The following MEIS2 variants were observed in gnomAD, a reference collection of about 807,000 sequenced individuals.
MEIS2 encodes the protein homeobox protein Meis2.
Under a neutral mutation model 58.6 loss-of-function variants are expected in MEIS2, and 9 were observed. The observed-to-expected ratio is 0.15, with a 90% CI of 0.09 to 0.27. MEIS2 has a LOEUF of 0.27. Among genes scored for constraint, MEIS2 ranks in the 10% least tolerant of loss-of-function variants. The pLI, the probability that MEIS2 is intolerant of heterozygous loss-of-function variation, is 1.00. For missense variants in MEIS2, 427 were observed against 635.0 expected (o/e 0.67, Z 3.52); for synonymous variants, 221 against 228.4 (o/e 0.97, Z 0.29).
intron 8 of MEIS2, among the ~76,000 whole-genome samples, chr15:37,005,384 A>G (rs1473408057): frequency 1.3e-5 from 2 of 152,240 alleles, no homozygotes; most frequent in Non-Finnish European, 2.9e-5. Context: ...GAAAGCACGA[A>G]TGGAACAATC....
rs147081254 is a variant in MEIS2, at chr15:37,083,505, T to C, written c.754+266A>G. Among the ~76,000 whole-genome samples, 846 of 152,270 alleles carry C rather than the reference T, an allele frequency of 5.6e-3. 17 individuals carry two copies. Among genetic ancestry groups the C allele is most frequent in the Non-Finnish European group, 4.6e-3 (315 of 68,012 alleles). ...CACTTATACACACAGAAATAAAGTGTAGATAACCAAATTTGTAAAAGAATT... is the reference window on the plus strand; with the variant it reads ...CACTTATACACACAGAAATAAAGTGCAGATAACCAAATTTGTAAAAGAATT... On this transcript the variant is annotated intron_variant, in intron 7 of 11. Transcript: ENST00000561208.
chr15:36,931,993 T>C (rs1380083964), intron 9 of MEIS2, among the ~76,000 whole-genome samples: 1 of 152,194 alleles, frequency 6.6e-6, no homozygotes, highest in African/African-American at 2.4e-5. Context: ...ACAAAATCCC[T>C]ATTAGCATGA....
chr15:37,070,806 T>C (rs1220158346), intron 7 of MEIS2, among the ~76,000 whole-genome samples: 4 of 152,078 alleles, frequency 2.6e-5, no homozygotes, highest in Non-Finnish European at 5.9e-5. Context: ...GTCACATACA[T>C]GGGATCTAAG....
intron 2 of MEIS2, among the ~76,000 whole-genome samples, chr15:37,097,038 A>G (rs192885404): frequency 2.0e-5 from 3 of 152,286 alleles, no homozygotes; most frequent in Admixed American, 2.0e-4. Context: ...AAATAATAGG[A>G]AGGTTACACA....
At chr15:36,927,971 C>G (rs992417522) in intron 9 of MEIS2, among the ~76,000 whole-genome samples, 1 of 152,206 alleles carries the variant, frequency 6.6e-6, no homozygotes. Context: ...AAAATATTTA[C>G]AGCCGGCCAA....
chr15:36,943,934 T>C (rs2058465531), intron 9 of MEIS2, among the ~76,000 whole-genome samples: 1 of 151,994 alleles, frequency 6.6e-6, no homozygotes, highest in African/African-American at 2.4e-5. Context: ...TGCCCAAATT[T>C]GGTCTGAATC....
At chr15:36,957,968 G>A (rs1423108713) in intron 8 of MEIS2, among the ~76,000 whole-genome samples, 1 of 152,128 alleles carries the variant, frequency 6.6e-6, no homozygotes, top group Non-Finnish European at 1.5e-5. Context: ...TTGGTGTTAT[G>A]GAAATGCAGG....
intron 9 of MEIS2, among the ~76,000 whole-genome samples, chr15:36,945,697 G>T (rs985291413): frequency 1.3e-5 from 2 of 152,024 alleles, no homozygotes; most frequent in Non-Finnish European, 2.9e-5. Flanking sequence ...ATTAAAAGCT[G>T]TTAGACGTAG....
At chr15:37,077,455 T>C (rs1288477952) in intron 7 of MEIS2, among the ~76,000 whole-genome samples, 1 of 152,134 alleles carries the variant, frequency 6.6e-6, no homozygotes. Context: ...ATTAATCAGT[T>C]GCACAAGCCA....
chr15:36,896,564 G>T, intron 10 of MEIS2, 64 bp downstream of exon 10: 2 of 1,296,976 alleles, frequency 1.5e-6, no homozygotes, highest in South Asian at 1.5e-5. Flanking sequence ...GGAAACTACT[G>T]GAGTATAACT....
At chr15:36,940,194 G>C (rs974481493) in intron 9 of MEIS2, among the ~76,000 whole-genome samples, 14 of 152,062 alleles carry the variant, frequency 9.2e-5, no homozygotes, top group African/African-American at 3.4e-4. Context: ...AAATCTATCT[G>C]AGCCTAATGT....
At chr15:37,016,859 A>C (rs1315950466) in intron 8 of MEIS2, among the ~76,000 whole-genome samples, 1 of 152,224 alleles carries the variant, frequency 6.6e-6, no homozygotes, top group Non-Finnish European at 1.5e-5. Context: ...GAATTGTCAA[A>C]ATTTTATCGT....
intron 7 of MEIS2, among the ~76,000 whole-genome samples, chr15:37,056,422 A>G (rs1347489483): frequency 2.6e-5 from 4 of 152,224 alleles, no homozygotes; most frequent in Non-Finnish European, 4.4e-5. Flanking sequence ...GAATAGTGCA[A>G]AGAGGGCTAA....
At chr15:36,975,832 G>A (rs970193906) in intron 8 of MEIS2, among the ~76,000 whole-genome samples, 1 of 152,074 alleles carries the variant, frequency 6.6e-6, no homozygotes, top group African/African-American at 2.4e-5. Context: ...ACAATGTATC[G>A]TATACTTGAA....
chr15:36,956,059 T>C (rs980819317), intron 8 of MEIS2, among the ~76,000 whole-genome samples: 18 of 117,776 alleles, frequency 1.5e-4, no homozygotes, highest in African/African-American at 5.3e-4. Flanking sequence ...TAGCCGGGCG[T>C]GGTGGCGGGC....
intron 8 of MEIS2, among the ~76,000 whole-genome samples, chr15:36,997,547 C>T (rs1020187691): frequency 6.7e-5 from 10 of 150,114 alleles, no homozygotes; most frequent in African/African-American, 2.0e-4. Context: ...ACTGCATTGG[C>T]GCGATCTCGG....
At chr15:36,911,044 C>CAAAAA (rs1187244002) in intron 9 of MEIS2, among the ~76,000 whole-genome samples, 1 of 83,288 alleles carries the variant, frequency 1.2e-5, no homozygotes, top group Non-Finnish European at 2.4e-5. Flanking sequence ...GACTCTGTCT[C>CAAAAA]AAAAAAAAAA....
chr15:37,053,131 T>C (rs1033210825), intron 7 of MEIS2, among the ~76,000 whole-genome samples: 2 of 152,198 alleles, frequency 1.3e-5, no homozygotes, highest in Admixed American at 1.3e-4. Flanking sequence ...AGTAGGTTTA[T>C]TCATATACCT....
intron 8 of MEIS2, among the ~76,000 whole-genome samples, chr15:36,966,919 C>T (rs1193628645): frequency 1.3e-5 from 2 of 152,188 alleles, no homozygotes; most frequent in Non-Finnish European, 2.9e-5. Flanking sequence ...GCCCAGAGCC[C>T]TACTGCAGAG....
Sources: gnomAD v4.1 joint callset for allele counts (sites outside exome capture counted in the v4.1 genomes callset) on GRCh38, gnomAD v4.1.1 for gene constraint, MANE v1.5 for transcripts, NCBI Gene and HGNC (gene_info 2026-07-23, HGNC 2026-07-21) for gene names.